Variants in CSMD3 observed in about 807,000 individuals in gnomAD.
CSMD3 encodes CUB and sushi domain-containing protein 3.
CSMD3 carries 177 observed loss-of-function variants against 435.2 expected under a neutral mutation model. That is an observed-to-expected ratio of 0.41 (90% confidence interval 0.36 to 0.46). The LOEUF is 0.46. Among genes scored for constraint, CSMD3 ranks in the 20% least tolerant of loss-of-function variants. CSMD3 has a pLI of 0.34. For synonymous variants in CSMD3, 1,656 were observed against 1,520.5 expected, an observed-to-expected ratio of 1.09 and a Z score of -2.07; for missense variants, 4,265 against 4,504.6, an observed-to-expected ratio of 0.95 and a Z score of 1.52.
intron 6 of CSMD3, among the ~76,000 whole-genome samples, chr8:113,010,057 T>C (rs1194149587): frequency 1.3e-5 from 2 of 151,706 alleles, no homozygotes; most frequent in South Asian, 2.1e-4. Context: ...TATAGATACT[T>C]GTAATTAAGT....
intron 22 of CSMD3, among the ~76,000 whole-genome samples, chr8:112,588,186 A>C (rs185358987): frequency 6.6e-6 from 1 of 151,964 alleles, no homozygotes; most frequent in Non-Finnish European, 1.5e-5. Flanking sequence ...GGAAAAAAAA[A>C]ACAAGTTGTT....
At chr8:112,387,333 T>C (rs73326699) in intron 36 of CSMD3, among the ~76,000 whole-genome samples, 8,050 of 152,314 alleles carry the variant, frequency 0.053, 242 homozygotes, top group East Asian at 0.12. Flanking sequence ...TTATTGAATA[T>C]TCATACAATT....
rs749999465 is a variant in CSMD3 at position 112,336,803 on chromosome 8, T to C, written c.6868A>G (p.Met2290Val). 12 of 1,613,394 alleles carry C rather than the reference T, an allele frequency of 7.4e-6. No homozygotes were observed. Among genetic ancestry groups the C allele is most frequent in the East Asian group, 2.2e-5 (1 of 44,784 alleles). ...CCAGGAGAATAAATGGTGCCATTCATTGCAGTTATATTCCCACCACAAAGA... is the reference window on the plus strand; with the variant it reads ...CCAGGAGAATAAATGGTGCCATTCACTGCAGTTATATTCCCACCACAAAGA... ...EALCGGNITA[M>V]NGTIYSPGYP... The change falls in exon 44 of 71, where the codon ATG becomes GTG. Residue 2290 changes from methionine (M) to valine (V), a missense_variant. Transcript: ENST00000297405.
intron 27 of CSMD3, among the ~76,000 whole-genome samples, chr8:112,545,500 A>AAT (rs1554609881): frequency 7.0e-5 from 10 of 142,850 alleles, no homozygotes; most frequent in African/African-American, 2.6e-4. Context: ...AAAAAAAAAA[A>AAT]AAATAATAAT....
intron 6 of CSMD3, among the ~76,000 whole-genome samples, chr8:113,013,001 A>G (rs1290828438): frequency 1.3e-5 from 2 of 152,092 alleles, no homozygotes; most frequent in East Asian, 3.9e-4. Flanking sequence ...GTACAACAAG[A>G]AAGAAAAACA....
At chr8:113,077,681 T>A (rs1237630021) in intron 5 of CSMD3, among the ~76,000 whole-genome samples, 1 of 152,060 alleles carries the variant, frequency 6.6e-6, no homozygotes, top group African/African-American at 2.4e-5. Context: ...CCAGCCTGGG[T>A]GACAGAGCAA....
At chr8:112,406,798 TAA>T in intron 34 of CSMD3, 71 bp from the exon 35 acceptor site, 1 of 928,184 alleles carries the variant, frequency 1.1e-6, no homozygotes, top group South Asian at 2.0e-5. Flanking sequence ...TGTAACTGTT[TAA>T]ACACATTTTT....
chr8:112,717,688 T>C (rs1442075250), intron 13 of CSMD3, among the ~76,000 whole-genome samples: 1 of 151,978 alleles, frequency 6.6e-6, no homozygotes, highest in African/African-American at 2.4e-5. Context: ...ATAGACTGAA[T>C]AAAGAAAATG....
chr8:112,901,229 T>C (rs913316394), intron 10 of CSMD3, among the ~76,000 whole-genome samples: 15 of 151,404 alleles, frequency 9.9e-5, no homozygotes, highest in Admixed American at 5.9e-4. Flanking sequence ...AACATGACAA[T>C]TGCAGGACCA....
intron 2 of CSMD3, among the ~76,000 whole-genome samples, chr8:113,301,031 T>C (rs1243996562): frequency 6.6e-6 from 1 of 151,840 alleles, no homozygotes; most frequent in Non-Finnish European, 1.5e-5. Flanking sequence ...CAAATTAACA[T>C]AATTAAACGT....
intron 59 of CSMD3, among the ~76,000 whole-genome samples, chr8:112,267,083 A>G (rs376600491): frequency 2.6e-5 from 4 of 152,232 alleles, no homozygotes; most frequent in African/African-American, 7.2e-5. Context: ...AGGATTAAAG[A>G]TTAAGAATGA....
chr8:113,000,587 C>T (rs866056296), intron 6 of CSMD3, among the ~76,000 whole-genome samples: 2 of 152,002 alleles, frequency 1.3e-5, no homozygotes, highest in East Asian at 1.9e-4. Flanking sequence ...TAAATACATA[C>T]AATTGTATCT....
intron 1 of CSMD3, among the ~76,000 whole-genome samples, chr8:113,370,099 T>C (rs552437957): frequency 1.3e-5 from 2 of 151,800 alleles, no homozygotes; most frequent in African/African-American, 4.8e-5. Context: ...GTAATGTATA[T>C]ATTAATTAGC....
chr8:113,143,934 T>C (rs1472336377), intron 4 of CSMD3, among the ~76,000 whole-genome samples: 1 of 151,398 alleles, frequency 6.6e-6, no homozygotes, highest in Non-Finnish European at 1.5e-5. Flanking sequence ...ACATTATCAT[T>C]GGTAGAAACT....
intron 9 of CSMD3, among the ~76,000 whole-genome samples, chr8:112,924,994 T>G (rs1206934982): frequency 6.6e-6 from 1 of 152,128 alleles, no homozygotes; most frequent in Non-Finnish European, 1.5e-5. Context: ...TCATTTTGAG[T>G]ATCTCTGTAT....
At chr8:113,358,377 T>C (rs1479198148) in intron 1 of CSMD3, among the ~76,000 whole-genome samples, 1 of 148,698 alleles carries the variant, frequency 6.7e-6, no homozygotes, top group Non-Finnish European at 1.5e-5. Flanking sequence ...TTTTGAGATG[T>C]AGTCTTGCTC....
intron 3 of CSMD3, among the ~76,000 whole-genome samples, chr8:113,186,833 G>A (rs1259955504): frequency 1.3e-5 from 2 of 151,932 alleles, no homozygotes; most frequent in Non-Finnish European, 2.9e-5. Flanking sequence ...CCAAGTCCTC[G>A]TAGTTGTTGC....
intron 38 of CSMD3, among the ~76,000 whole-genome samples, chr8:112,380,069 T>C (rs1829328638): frequency 6.6e-6 from 1 of 152,220 alleles, no homozygotes; most frequent in Non-Finnish European, 1.5e-5. Flanking sequence ...ATTGGACTTA[T>C]AGTTAATACA....
intron 10 of CSMD3, among the ~76,000 whole-genome samples, chr8:112,867,875 T>C (rs1047657038): frequency 1.3e-5 from 2 of 152,102 alleles, no homozygotes; most frequent in African/African-American, 2.4e-5. Context: ...AATTGTTTTT[T>C]AAAAATTGTT....
Sources: allele counts gnomAD v4.1 joint callset (sites outside exome capture counted in the v4.1 genomes callset), GRCh38; gene constraint gnomAD v4.1.1; transcripts MANE v1.5; gene names NCBI Gene and HGNC (gene_info 2026-07-23, HGNC 2026-07-21).